The following KDM4B variants were observed in gnomAD, a reference collection of about 807,000 sequenced individuals.
KDM4B encodes lysine-specific demethylase 4B.
KDM4B carries 32 observed loss-of-function variants against 125.2 expected under a neutral mutation model. The observed-to-expected ratio is 0.26, with a 90% CI of 0.19 to 0.34. The LOEUF is 0.34. KDM4B is among the 10% of genes least tolerant of loss of function. The pLI is 1.00. For missense variants in KDM4B, 1,190 were observed against 1,577.7 expected, an observed-to-expected ratio of 0.75 and a Z score of 4.16; for synonymous variants, 721 against 677.9, an observed-to-expected ratio of 1.06 and a Z score of -0.99.
chr19:5,031,100 A>G (rs1471997905), intron 2 of KDM4B, among the ~76,000 whole-genome samples: 1 of 152,182 alleles, frequency 6.6e-6, no homozygotes, highest in East Asian at 1.9e-4. Context: ...CCCTGGGGAC[A>G]GTGCGCAGGC....
chr19:5,086,061 C>T (rs1046058422), intron 9 of KDM4B, among the ~76,000 whole-genome samples: 9 of 152,142 alleles, frequency 5.9e-5, no homozygotes, highest in Admixed American at 3.9e-4. Flanking sequence ...GTCCCATTTG[C>T]GTTTCGGGCC....
intron 11 of KDM4B, among the ~76,000 whole-genome samples, chr19:5,125,892 G>A (rs1459270022): frequency 6.6e-6 from 1 of 152,004 alleles, no homozygotes. Context: ...CCGGGAGCCC[G>A]AAGTCCCAGG....
At chr19:5,070,945 C>T (rs2037928438) in intron 6 of KDM4B, 65 bp from the exon 7 acceptor site, 1 of 1,566,504 alleles carries the variant, frequency 6.4e-7, no homozygotes, top group Non-Finnish European at 8.8e-7. Flanking sequence ...GCTGGTCCCA[C>T]CAGGGACACC....
chr19:5,107,406 G>A (rs1342615357), intron 9 of KDM4B, among the ~76,000 whole-genome samples: 2 of 152,226 alleles, frequency 1.3e-5, no homozygotes, highest in African/African-American at 4.8e-5. Flanking sequence ...TGGAGCGGGC[G>A]GGGCCTGTTC....
chr19:4,974,272 G>A (rs533874056), intron 1 of KDM4B, among the ~76,000 whole-genome samples: 1 of 151,056 alleles, frequency 6.6e-6, no homozygotes, highest in East Asian at 2.0e-4. Flanking sequence ...GGTGGTGGCC[G>A]GTGCCTGTAG....
intron 1 of KDM4B, among the ~76,000 whole-genome samples, chr19:4,973,480 T>C (rs181738934): frequency 3.1e-4 from 47 of 152,308 alleles, no homozygotes; most frequent in African/African-American, 1.0e-3. Flanking sequence ...TGAGCCACTA[T>C]GCTCGGCCAA....
chr19:4,974,251 T>G (rs2034364486), intron 1 of KDM4B, among the ~76,000 whole-genome samples: 1 of 150,858 alleles, frequency 6.6e-6, no homozygotes, highest in Admixed American at 6.6e-5. Flanking sequence ...CAAAAAAAAT[T>G]ACCCGGGCAT....
intron 20 of KDM4B, 89 bp downstream of exon 20, chr19:5,144,501 G>A (rs10427031): frequency 4.4e-6 from 2 of 451,370 alleles, no homozygotes; most frequent in Non-Finnish European, 6.2e-6. Context: ...AGCTGTGGGG[G>A]TGGGCGGGGG....
intron 2 of KDM4B, among the ~76,000 whole-genome samples, chr19:5,019,811 G>A (rs575433083): frequency 1.1e-4 from 16 of 146,216 alleles, no homozygotes; most frequent in African/African-American, 3.6e-4. Flanking sequence ...GTGTGCAGGT[G>A]CTGCTGTGGA....
At chr19:5,013,593 C>A (rs2035796642) in intron 1 of KDM4B, among the ~76,000 whole-genome samples, 1 of 152,178 alleles carries the variant, frequency 6.6e-6, no homozygotes, top group Admixed American at 6.5e-5. Context: ...GAGGTGTCCG[C>A]ATCCCTCGGC....
chr19:5,068,427 C>A (rs1307007183), intron 6 of KDM4B, among the ~76,000 whole-genome samples: 1 of 152,232 alleles, frequency 6.6e-6, no homozygotes, highest in Non-Finnish European at 1.5e-5. Flanking sequence ...CTTCTGGTCC[C>A]CCGTCCTGGG....
At chr19:5,059,032 C>T (rs975254744) in intron 6 of KDM4B, among the ~76,000 whole-genome samples, 2 of 152,218 alleles carry the variant, frequency 1.3e-5, no homozygotes, top group East Asian at 1.9e-4. Flanking sequence ...TGTGCGTGCC[C>T]GCGGGTCCCT....
At chr19:5,000,595 A>G (rs892000515) in intron 1 of KDM4B, among the ~76,000 whole-genome samples, 1 of 152,172 alleles carries the variant, frequency 6.6e-6, no homozygotes, top group African/African-American at 2.4e-5. Flanking sequence ...CCATAAAAGC[A>G]TCCTCCAGAG....
chr19:5,123,020 C>T (rs2039388840), intron 11 of KDM4B, among the ~76,000 whole-genome samples: 1 of 152,232 alleles, frequency 6.6e-6, no homozygotes, highest in East Asian at 1.9e-4. Context: ...CCTGGAGAGA[C>T]CCCCTGCTGG....
At chr19:4,977,295 C>T (rs757003703) in intron 1 of KDM4B, among the ~76,000 whole-genome samples, 11 of 152,208 alleles carry the variant, frequency 7.2e-5, no homozygotes, top group Non-Finnish European at 1.3e-4. Flanking sequence ...ATCCCGAGGC[C>T]GACTGCCCAG....
At position 4,987,116 on chromosome 19, in the gene KDM4B, G is replaced by A. The variant is rs1446066525; in HGVS notation, c.-109+17886G>A. On this transcript the variant is annotated intron_variant, in intron 1 of 22. Transcript: ENST00000159111. ...TGGGATCACAGGCGCCCGCCACTACGCCTGGCTAATTTTTATATTTTTAGT... is the reference window on the plus strand; with the variant it reads ...TGGGATCACAGGCGCCCGCCACTACACCTGGCTAATTTTTATATTTTTAGT... 2.6e-5 allele frequency among the ~76,000 whole-genome samples: 4 copies of A among 151,952 alleles called. No individual in the cohort carries two copies. The East Asian group carries it at 7.7e-4, about 29-fold the overall frequency.
intron 1 of KDM4B, among the ~76,000 whole-genome samples, chr19:4,974,992 T>G (rs1033577486): frequency 2.6e-5 from 4 of 152,124 alleles, no homozygotes; most frequent in Non-Finnish European, 5.9e-5. Flanking sequence ...CCGCAGGACC[T>G]GTGCACTTGC....
intron 6 of KDM4B, among the ~76,000 whole-genome samples, chr19:5,059,369 C>T (rs1262624206): frequency 1.3e-5 from 2 of 152,246 alleles, no homozygotes; most frequent in East Asian, 3.9e-4. Context: ...GACAGCGATG[C>T]TAATGGCCCT....
intron 1 of KDM4B, among the ~76,000 whole-genome samples, chr19:4,996,169 TG>T (rs2035194160): frequency 6.6e-6 from 1 of 152,146 alleles, no homozygotes. Flanking sequence ...TTTGTATTTT[TG>T]GTAGAGATGG....
Sources: allele counts gnomAD v4.1 joint callset (sites outside exome capture counted in the v4.1 genomes callset), GRCh38; gene constraint gnomAD v4.1.1; transcripts MANE v1.5; gene names NCBI Gene and HGNC (gene_info 2026-07-23, HGNC 2026-07-21).